DNAAF5: variants seen among roughly 807,000 people sequenced by gnomAD.
DNAAF5 encodes the protein HEAT repeat containing 2.
DNAAF5 carries 64 observed loss-of-function variants against 75.8 expected under a neutral mutation model. That is an observed-to-expected ratio of 0.84 (90% CI 0.69 to 1.04). DNAAF5 has a LOEUF of 1.04. Among genes scored for constraint, DNAAF5 ranks in the 50% least tolerant of loss-of-function variants. The pLI, the probability that DNAAF5 is intolerant of heterozygous loss-of-function variation, is 0.00. For missense variants in DNAAF5, 1,269 were observed against 1,178.5 expected (o/e 1.08, Z -1.12); for synonymous variants, 657 against 557.2 (o/e 1.18, Z -2.52).
At chr7:731,810 A>C (rs181058870) in intron 2 of DNAAF5, among the ~76,000 whole-genome samples, 1 of 152,126 alleles carries the variant, frequency 6.6e-6, no homozygotes, top group East Asian at 1.9e-4. Flanking sequence ...GAGACCCTGC[A>C]CGGCCCTTCA....
Position 780,100 on chromosome 7 carries a change from T to C in DNAAF5, c.2387T>C (p.Val796Ala), listed in dbSNP as rs113906181. ...SVQYLYRELL[V>A]HLDDPERAIQ... is the part of the protein sequence containing the mutation. Reference sequence around the variant, plus strand: ...CAGTACCTGTACCGAGAGTTGCTGGTTCACCTTGACGATCCAGAGAGGGCC... The same window carrying C: ...CAGTACCTGTACCGAGAGTTGCTGGCTCACCTTGACGATCCAGAGAGGGCC... The change falls in exon 12 of 13, where the codon GTT (valine) becomes GCT (alanine). Residue 796 changes from valine (V) to alanine (A), a missense_variant. Coordinates refer to ENST00000297440, the MANE Select transcript of DNAAF5 (RefSeq NM_017802.4). The C allele has an allele frequency of 6.2e-7, 1 of 1,614,180 alleles. No individual in the cohort carries two copies.
At chr7:781,780 T>A (rs983864704) in intron 12 of DNAAF5, among the ~76,000 whole-genome samples, 5 of 152,250 alleles carry the variant, frequency 3.3e-5, no homozygotes, top group African/African-American at 1.2e-4. Flanking sequence ...TGTTTGTCAT[T>A]TCCATGCTGT....
chr7:730,767 G>C (rs893167256), intron 2 of DNAAF5, among the ~76,000 whole-genome samples: 1 of 151,648 alleles, frequency 6.6e-6, no homozygotes, highest in Non-Finnish European at 1.5e-5. Context: ...GGGGCTGTGC[G>C]CAGAGACACA....
In DNAAF5 at chr7:779,869, A is replaced by G. The variant is rs151295627; in HGVS notation, c.2240-84A>G. 7.5e-4 allele frequency: 869 copies of G among 1,166,272 alleles called. 9 individuals carry two copies. In the African/African-American group the frequency reaches 0.012, roughly 16 times the overall value. The allele number at this position is 1,166,272 out of a possible 1,614,324, so 72.2% of individuals were successfully genotyped here. ...GACCCCAGGGCAGGTGTCCCATGGG[A>G]GTATGAACTAAATGCCTTTGTGGAC... On this transcript the variant is annotated intron_variant, in intron 11 of 12. Transcript: ENST00000297440.
intron 4 of DNAAF5, among the ~76,000 whole-genome samples, chr7:749,945 C>T (rs904951940): frequency 6.6e-5 from 10 of 152,180 alleles, no homozygotes; most frequent in Admixed American, 1.3e-4. Context: ...GTGATCCACC[C>T]GCCTTGGCCT....
At chr7:761,323 G>A (rs746921801) in intron 6 of DNAAF5, among the ~76,000 whole-genome samples, 2 of 152,366 alleles carry the variant, frequency 1.3e-5, no homozygotes, top group East Asian at 1.9e-4. Context: ...AGCCCCGGGC[G>A]GGCTCTGTCG....
intron 4 of DNAAF5, among the ~76,000 whole-genome samples, chr7:753,773 CGT>C: frequency 7.2e-6 from 1 of 138,668 alleles, no homozygotes; most frequent in African/African-American, 2.8e-5. Context: ...GCTTCGCAGG[CGT>C]GTCTCTCTCA....
chr7:766,759 G>C (rs1210080273), intron 8 of DNAAF5, among the ~76,000 whole-genome samples: 3 of 152,206 alleles, frequency 2.0e-5, no homozygotes, highest in Non-Finnish European at 4.4e-5. Context: ...TCAGGGAGCT[G>C]TGATTGTACC....
At position 726,959 on chromosome 7, in the gene DNAAF5, G is replaced by C; in HGVS notation, c.239G>C (p.Arg80Pro). ...QGPWARLLLP[R>P]LLRCLSDPAE... is the part of the protein sequence containing the mutation. ...CCCTGGGCGCGCCTACTGCTGCCGC[G>C]CTTGCTGCGCTGCCTGAGCGACCCC... is the stretch of plus-strand genomic sequence containing the variant. The change falls in exon 1 of 13, where the codon CGC (arginine) becomes CCC (proline). Residue 80 changes from arginine to proline, a missense_variant. Physicochemically the swap from Arg to Pro is moderately radical, Grantham distance 103. Coordinates refer to ENST00000297440, the MANE Select transcript of DNAAF5 (RefSeq NM_017802.4). 1 of 1,323,022 alleles carries C rather than the reference G, an allele frequency of 7.6e-7. No individual in the cohort carries two copies. The highest frequency in any genetic ancestry group is 9.7e-7 in the Non-Finnish European group (1 of 1,031,834). The allele number at this position is 1,323,022 out of a possible 1,614,324, so 82.0% of individuals were successfully genotyped here.
rs563919706 is a variant in DNAAF5, at chr7:758,397, A to C, written c.1470+1403A>C. On this transcript the variant is annotated intron_variant, in intron 6 of 12. Coordinates refer to ENST00000297440, the MANE Select transcript of DNAAF5 (RefSeq NM_017802.4). ...TTGTGCATTTGGCTCCCCATCTTCC[A>C]GTTTTATCGAGGAAAAATTTAATCA... 2.0e-5 allele frequency among the ~76,000 whole-genome samples: 3 copies of C among 152,346 alleles called. No individual in the cohort carries two copies. In the East Asian group the frequency reaches 5.8e-4, roughly 29 times the overall value.
Position 761,903 on chromosome 7 carries a change from C to G in DNAAF5, c.1614+7C>G. 1.3e-6 allele frequency: 2 copies of G among 1,565,102 alleles called. No individual in the cohort carries two copies. Among genetic ancestry groups the G allele is most frequent in the Non-Finnish European group, 1.7e-6 (2 of 1,155,550 alleles). ...TACCGGCCTGAGGGACAAGGTAAGGCTGACAGTGGTGGCTGCTGCTTGACC... is the reference window on the plus strand; with the variant it reads ...TACCGGCCTGAGGGACAAGGTAAGGGTGACAGTGGTGGCTGCTGCTTGACC... On this transcript the variant is annotated splice_region_variant and intron_variant, in intron 7 of 12. Transcript: ENST00000297440.
At chr7:774,228 A>G (rs780027785) in intron 10 of DNAAF5, 30 bp downstream of exon 10, 2 of 1,582,270 alleles carry the variant, frequency 1.3e-6, no homozygotes, top group South Asian at 2.3e-5. Context: ...CTCGGTGGAC[A>G]CCGGCCGGGG....
At chr7:731,370 C>T (rs537101009) in intron 2 of DNAAF5, among the ~76,000 whole-genome samples, 2 of 152,286 alleles carry the variant, frequency 1.3e-5, no homozygotes, top group African/African-American at 2.4e-5. Context: ...CTGTGGAGCA[C>T]GCTCTGTAAA....
chr7:783,004 C>T (rs1035385415), intron 12 of DNAAF5, among the ~76,000 whole-genome samples: 2 of 152,252 alleles, frequency 1.3e-5, no homozygotes, highest in Non-Finnish European at 2.9e-5. Context: ...TGCGTGGGCA[C>T]CAGGCTCAGA....
At chr7:775,573 C>T (rs1189497816) in intron 11 of DNAAF5, among the ~76,000 whole-genome samples, 3 of 151,912 alleles carry the variant, frequency 2.0e-5, no homozygotes, top group Admixed American at 2.0e-4. Context: ...TGCATTTATA[C>T]ATACAAATAC....
At position 780,077 on chromosome 7, in the gene DNAAF5, G is replaced by T; in HGVS notation, c.2364G>T (p.Gln788His). 1 of 1,614,236 alleles carries T rather than the reference G, an allele frequency of 6.2e-7. No individual in the cohort carries two copies. Among genetic ancestry groups the T allele is most frequent in the Non-Finnish European group, 8.5e-7 (1 of 1,180,034 alleles). Reference sequence around the variant, plus strand: ...AATCCTACTATCAGAGCAGTGTCCAGTACCTGTACCGAGAGTTGCTGGTTC... The same window carrying T: ...AATCCTACTATCAGAGCAGTGTCCATTACCTGTACCGAGAGTTGCTGGTTC... ...NAKSYYQSSVQYLYRELLVHL... is the reference protein window; with the variant it reads ...NAKSYYQSSVHYLYRELLVHL... Residue 788 changes from glutamine (Q) to histidine (H), a missense_variant, in exon 12 of 13, where the codon CAG becomes CAT. Coordinates refer to ENST00000297440, the MANE Select transcript of DNAAF5 (RefSeq NM_017802.4).
rs1583518352 is a variant in DNAAF5, at chr7:774,745, G to T, written c.2083-261G>T. ...TCCAGCCGAAAGCCCCACGTCCTTG[G>T]GGCCCAGGCGAGCCATTACCCTGGT... On this transcript the variant is annotated intron_variant, in intron 10 of 12. Coordinates refer to ENST00000297440, the MANE Select transcript of DNAAF5 (RefSeq NM_017802.4). 2.0e-5 allele frequency among the ~76,000 whole-genome samples: 3 copies of T among 152,328 alleles called. No individual in the cohort carries two copies. In the South Asian group the frequency reaches 6.2e-4, roughly 32 times the overall value.
At chr7:784,562 C>T (rs904673326) in intron 12 of DNAAF5, among the ~76,000 whole-genome samples, 12 of 152,170 alleles carry the variant, frequency 7.9e-5, no homozygotes, top group Non-Finnish European at 7.3e-5. Context: ...CCCACCCCTG[C>T]AGCTCCCACT....
At position 786,012 on chromosome 7, in the gene DNAAF5, A is replaced by G. The variant is rs1779135044; in HGVS notation, c.*359A>G. On this transcript the variant is annotated 3_prime_UTR_variant, in exon 13 of 13. Transcript: ENST00000297440. ...GCATCCTGCTTAGGTGCCCACCAAG[A>G]AGGTTTTTACCTACTTAACAAAAAA... The G allele has an allele frequency of 1.0e-5, 2 of 193,738 alleles. No homozygotes were observed. The highest frequency in any genetic ancestry group is 2.1e-5 in the Non-Finnish European group (2 of 95,880). The allele number at this position is 193,738 out of a possible 1,614,324, so 12.0% of individuals were successfully genotyped here.
Sources: gnomAD v4.1 joint callset for allele counts (sites outside exome capture counted in the v4.1 genomes callset) on GRCh38, gnomAD v4.1.1 for gene constraint, MANE v1.5 for transcripts, NCBI Gene and HGNC (gene_info 2026-07-23, HGNC 2026-07-21) for gene names.